The following METTL9 variants were observed in gnomAD, a reference collection of about 807,000 sequenced individuals.
METTL9 encodes protein-L-histidine N-pros-methyltransferase.
Under a neutral mutation model 36.0 loss-of-function variants are expected in METTL9, and 10 were observed. That is an observed-to-expected ratio of 0.28 (90% CI 0.17 to 0.47). The LOEUF is 0.47. METTL9 is among the 20% of genes least tolerant of loss of function. The pLI, the probability that METTL9 is intolerant of heterozygous loss-of-function variation, is 0.99. For synonymous variants in METTL9, 175 were observed against 149.7 expected, an observed-to-expected ratio of 1.17 and a Z score of -1.23; for missense variants, 246 against 383.5, an observed-to-expected ratio of 0.64 and a Z score of 3.00.
chr16:21,609,837 G>A (rs927797053), intron 1 of METTL9, among the ~76,000 whole-genome samples: 1 of 152,152 alleles, frequency 6.6e-6, no homozygotes. Flanking sequence ...AAGCAGGGTA[G>A]TGATGTGATC....
chr16:21,613,910 G>A (rs1965494616), intron 2 of METTL9, among the ~76,000 whole-genome samples: 1 of 149,788 alleles, frequency 6.7e-6, no homozygotes, highest in South Asian at 2.1e-4. Flanking sequence ...ATGCCAAAGA[G>A]AAAAGCAACA....
At chr16:21,642,973 T>C (rs893652843) in intron 4 of METTL9, 18 of 735,828 alleles carry the variant, frequency 2.4e-5, no homozygotes, top group Non-Finnish European at 4.2e-5. Flanking sequence ...TTCAGACTCT[T>C]CTGAAGGAAA....
intron 4 of METTL9, chr16:21,627,394 G>A: frequency 1.0e-6 from 1 of 983,468 alleles, no homozygotes; most frequent in Non-Finnish European, 1.2e-6. Context: ...TTGCTATTTG[G>A]AAAAAAAATG....
chr16:21,631,755 C>A lies in METTL9; in HGVS notation c.751+6640C>A, dbSNP rs541171060. Among the ~76,000 whole-genome samples, 10 of 152,258 alleles carry A rather than the reference C, an allele frequency of 6.6e-5. No homozygotes were observed. In the East Asian group the frequency reaches 1.9e-3, roughly 29 times the overall value. On this transcript the variant is annotated intron_variant, in intron 4 of 4. Transcript: ENST00000358154. ...GTTGTCAGTGGCCTCAGTGCTTTCG[C>A]GCTACGCCCTTGTTTACACTGACAA...
At chr16:21,651,753 C>T (rs1054108193) in intron 4 of METTL9, 4 of 151,996 alleles carry the variant, frequency 2.6e-5, no homozygotes, top group African/African-American at 9.7e-5. Context: ...AGAGCAAATC[C>T]CAGCCATTTT....
chr16:21,600,231 G>T (rs1260615397), intron 1 of METTL9, among the ~76,000 whole-genome samples: 1 of 152,164 alleles, frequency 6.6e-6, no homozygotes, highest in Admixed American at 6.5e-5. Flanking sequence ...GGGAACTTTG[G>T]GGCCAGAGCG....
chr16:21,647,997 G>A (rs575415894), intron 4 of METTL9, among the ~76,000 whole-genome samples: 1 of 152,250 alleles, frequency 6.6e-6, no homozygotes, highest in South Asian at 2.1e-4. Flanking sequence ...AGTTGAGATC[G>A]CCAGGAATTC....
intron 3 of METTL9, 115 bp downstream of exon 3, chr16:21,618,189 T>A: frequency 1.2e-6 from 1 of 823,008 alleles, no homozygotes; most frequent in Non-Finnish European, 1.8e-6. Flanking sequence ...CATACATAAT[T>A]AACTGGAAAT....
At chr16:21,611,366 G>A (rs1030472334) in intron 1 of METTL9, among the ~76,000 whole-genome samples, 6 of 152,170 alleles carry the variant, frequency 3.9e-5, no homozygotes, top group African/African-American at 1.2e-4. Flanking sequence ...TGTAAAGCTG[G>A]TCTACCAATT....
chr16:21,644,114 T>A (rs1008234259), intron 4 of METTL9, among the ~76,000 whole-genome samples: 2 of 152,196 alleles, frequency 1.3e-5, no homozygotes, highest in African/African-American at 4.8e-5. Flanking sequence ...GATGAGAATG[T>A]ATGATGCCTT....
At chr16:21,614,482 C>T (rs1317850234) in intron 2 of METTL9, among the ~76,000 whole-genome samples, 1 of 152,094 alleles carries the variant, frequency 6.6e-6, no homozygotes, top group Non-Finnish European at 1.5e-5. Context: ...GTTAATAAAC[C>T]CCTTTTGGCT....
In METTL9 at chr16:21,599,764, A is replaced by G. The variant is rs1338600337; in HGVS notation, c.31A>G (p.Ser11Gly). Residue 11 changes from serine to glycine, a missense_variant, in exon 1 of 5, where the codon AGC becomes GGC. Physicochemically the swap from Ser to Gly is moderately conservative, Grantham distance 56. This residue lies in a region of METTL9 where 100 missense variants were observed against 81.4 expected (regional missense o/e 1.23). Transcript: ENST00000358154. The surrounding 1 kb of genome is among the most constrained non-coding windows in gnomAD (Gnocchi z 4.4). ...ACTGCTGGCGGGCTGGCTGTGCCTG[A>G]GCCTGGCGTCCGTGTGGCTGGCGCG... MRLLAGWLCL[S>G]LASVWLARRM... 6.5e-7 allele frequency: 1 copy of G among 1,538,618 alleles called. No individual in the cohort carries two copies. Among genetic ancestry groups the G allele is most frequent in the Non-Finnish European group, 8.7e-7 (1 of 1,150,294 alleles).
intron 1 of METTL9, among the ~76,000 whole-genome samples, chr16:21,610,486 C>T (rs1364232154): frequency 6.6e-6 from 1 of 152,198 alleles, no homozygotes; most frequent in Non-Finnish European, 1.5e-5. Flanking sequence ...AAAGGACATA[C>T]GTTTCACCTT....
At chr16:21,639,186 T>C (rs1966183089) in intron 4 of METTL9, among the ~76,000 whole-genome samples, 1 of 152,218 alleles carries the variant, frequency 6.6e-6, no homozygotes, top group Non-Finnish European at 1.5e-5. Context: ...CAGATATTCT[T>C]ATATAAGACC....
intron 4 of METTL9, chr16:21,647,643 TCA>T: frequency 9.6e-7 from 1 of 1,036,680 alleles, no homozygotes. Flanking sequence ...CCAGTGGTCC[TCA>T]CTTGCCCCAA....
intron 3 of METTL9, among the ~76,000 whole-genome samples, chr16:21,622,729 T>G (rs116877199): frequency 5.3e-5 from 8 of 152,288 alleles, no homozygotes; most frequent in Non-Finnish European, 8.8e-5. Context: ...TGTCTTAGTG[T>G]TAGTCACCTT....
chr16:21,636,805 A>G (rs532341039), intron 4 of METTL9, among the ~76,000 whole-genome samples: 34 of 152,326 alleles, frequency 2.2e-4, no homozygotes, highest in African/African-American at 8.2e-4. Context: ...ACTGGCTGAC[A>G]GGTGCCCAGT....
chr16:21,645,375 C>T (rs1005990469), intron 4 of METTL9, among the ~76,000 whole-genome samples: 1 of 152,148 alleles, frequency 6.6e-6, no homozygotes, highest in African/African-American at 2.4e-5. Flanking sequence ...ATCGCTTGAA[C>T]CCGGAAGGTG....
rs966524817 is a variant in METTL9 at position 21,633,026 on chromosome 16, G to A, written c.751+7911G>A. 1.1e-4 allele frequency among the ~76,000 whole-genome samples: 16 copies of A among 152,182 alleles called. 1 individual carries two copies. In the South Asian group the frequency reaches 3.1e-3, roughly 30 times the overall value. The stretch of plus-strand genomic sequence containing the variant: ...TACTAGATGAGTATTTGCTCTCTGG[G>A]TCTCCTCGATTAGAGTATAGAGGGG... On this transcript the variant is annotated intron_variant, in intron 4 of 4. Coordinates refer to ENST00000358154, the MANE Select transcript of METTL9 (RefSeq NM_016025.5).
Sources: gnomAD v4.1 joint callset for allele counts (sites outside exome capture counted in the v4.1 genomes callset) on GRCh38, gnomAD v4.1.1 for gene constraint, gnomAD v4.1.1 regional missense constraint, Gnocchi (gnomAD v3.1) non-coding constraint, MANE v1.5 for transcripts, NCBI Gene and HGNC (gene_info 2026-07-23, HGNC 2026-07-21) for gene names.